GALNT13: variants seen among roughly 807,000 people sequenced by gnomAD.
GALNT13 encodes the protein polypeptide N-acetylgalactosaminyltransferase 13, also known as UDP-GalNAc:polypeptide N-acetylgalactosaminyltransferase 13.
Under a neutral mutation model 64.2 loss-of-function variants are expected in GALNT13, and 28 were observed. The observed-to-expected ratio is 0.44, with a 90% CI of 0.32 to 0.60. The LOEUF is 0.60. GALNT13 is among the 20% of genes least tolerant of loss of function. GALNT13 has a pLI of 0.05. For missense variants in GALNT13, 577 were observed against 669.8 expected, an observed-to-expected ratio of 0.86 and a Z score of 1.53; for synonymous variants, 214 against 224.6, an observed-to-expected ratio of 0.95 and a Z score of 0.42.
In GALNT13 at chr2:154,226,737, T is replaced by A. The variant is rs77017431; in HGVS notation, c.312-15293T>A. Among the ~76,000 whole-genome samples the A allele has an allele frequency of 6.7e-3, 1,017 of 152,256 alleles. 9 individuals are homozygous for A. The highest frequency in any genetic ancestry group is 0.024 in the African/African-American group (983 of 41,564). ...TATTAATTGTTCTTGTTGATGGATTTAAAATGTTTTTGTAAATATAACAAG... is the reference window on the plus strand; with the variant it reads ...TATTAATTGTTCTTGTTGATGGATTAAAAATGTTTTTGTAAATATAACAAG... On this transcript the variant is annotated intron_variant, in intron 4 of 12. Transcript: ENST00000392825.
At chr2:153,421,251 C>T in the GALNT13 span, 1 of 185,106 alleles carries the variant, frequency 5.4e-6, no homozygotes, top group African/African-American at 2.4e-5. Context: ...GGAATTCTGT[C>T]AGACTCCATG....
chr2:154,084,085 A>G (rs1701410913), intron 3 of GALNT13, among the ~76,000 whole-genome samples: 1 of 151,926 alleles, frequency 6.6e-6, no homozygotes, highest in African/African-American at 2.4e-5. Flanking sequence ...TTACTGGAGA[A>G]GAGATGCAGT....
chr2:154,073,026 A>C (rs35317369), intron 3 of GALNT13, among the ~76,000 whole-genome samples: 28,353 of 151,990 alleles, frequency 0.19, 3,372 homozygotes, highest in Non-Finnish European at 0.26. Context: ...TAAAAATAAT[A>C]ATAGTATGAT....
intron 12 of GALNT13, among the ~76,000 whole-genome samples, chr2:154,444,544 A>T (rs1458069754): frequency 6.6e-6 from 1 of 152,124 alleles, no homozygotes; most frequent in Non-Finnish European, 1.5e-5. Context: ...AAGAAGTGTT[A>T]GCTGCTGCTG....
At chr2:153,216,387 T>C in the GALNT13 span, among the ~76,000 whole-genome samples, 222 of 152,116 alleles carry the variant, frequency 1.5e-3, 6 homozygotes, top group East Asian at 0.039. Context: ...CACCAAACAG[T>C]CTCCCAAAGT....
intron 3 of GALNT13, among the ~76,000 whole-genome samples, chr2:154,061,452 A>C (rs2105368034): frequency 6.6e-6 from 1 of 152,300 alleles, no homozygotes; most frequent in South Asian, 2.1e-4. Flanking sequence ...GTCAGAAATT[A>C]TAATTTTATT....
At chr2:153,160,979 C>G in the GALNT13 span, among the ~76,000 whole-genome samples, 1 of 152,100 alleles carries the variant, frequency 6.6e-6, no homozygotes, top group Non-Finnish European at 1.5e-5. Flanking sequence ...GATGTCTATG[C>G]AAGGTAGGGT....
intron 9 of GALNT13, among the ~76,000 whole-genome samples, chr2:154,348,187 C>G (rs867799643): frequency 6.6e-6 from 1 of 152,164 alleles, no homozygotes; most frequent in Non-Finnish European, 1.5e-5. Flanking sequence ...TAATCTTGGT[C>G]TTGGTTCTAA....
chr2:153,811,207 C>G, the GALNT13 span, among the ~76,000 whole-genome samples: 1 of 152,228 alleles, frequency 6.6e-6, no homozygotes, highest in African/African-American at 2.4e-5. Context: ...AGATCAAAAT[C>G]CAGGTCTTTT....
At chr2:153,373,529 T>C in the GALNT13 span, among the ~76,000 whole-genome samples, 5 of 152,276 alleles carry the variant, frequency 3.3e-5, no homozygotes, top group African/African-American at 4.8e-5. Context: ...TTGTATTGAA[T>C]CTATAAACCA....
the GALNT13 span, among the ~76,000 whole-genome samples, chr2:153,825,227 A>C: frequency 6.6e-6 from 1 of 152,206 alleles, no homozygotes; most frequent in African/African-American, 2.4e-5. Flanking sequence ...ATGTTCTAAA[A>C]GGCACAGGAC....
chr2:154,298,591 TATATACAA>T (rs1380574675), intron 8 of GALNT13, among the ~76,000 whole-genome samples: 3 of 3,858 alleles, frequency 7.8e-4, no homozygotes, highest in African/African-American at 1.1e-3. Flanking sequence ...ATATAATTTA[TATATACAA>T]TGTATATATT....
chr2:154,315,449 GTTTATT>G (rs906453711), intron 9 of GALNT13, among the ~76,000 whole-genome samples: 2 of 152,124 alleles, frequency 1.3e-5, no homozygotes, highest in Non-Finnish European at 2.9e-5. Flanking sequence ...GAAATAAGAA[GTTTATT>G]TAACAAATAA....
At chr2:153,645,300 A>T in the GALNT13 span, among the ~76,000 whole-genome samples, 2 of 152,148 alleles carry the variant, frequency 1.3e-5, no homozygotes, top group Non-Finnish European at 2.9e-5. Flanking sequence ...TATGCCTTTA[A>T]CAAACAGCAT....
At chr2:154,007,452 G>A (rs985764064) in intron 3 of GALNT13, among the ~76,000 whole-genome samples, 2 of 151,922 alleles carry the variant, frequency 1.3e-5, no homozygotes, top group Non-Finnish European at 2.9e-5. Context: ...GAAAGGTTGC[G>A]ATTATTCTGT....
At chr2:153,641,564 A>G in the GALNT13 span, among the ~76,000 whole-genome samples, 3 of 152,118 alleles carry the variant, frequency 2.0e-5, no homozygotes, top group Non-Finnish European at 4.4e-5. Flanking sequence ...GTTGAATTCC[A>G]TGTTACTGCC....
intron 9 of GALNT13, among the ~76,000 whole-genome samples, chr2:154,376,903 T>A (rs1698025504): frequency 1.3e-5 from 2 of 152,132 alleles, no homozygotes; most frequent in Non-Finnish European, 2.9e-5. Context: ...CCTTTATAAA[T>A]TAATAAATAT....
At chr2:153,098,012 G>A in the GALNT13 span, among the ~76,000 whole-genome samples, 1 of 152,194 alleles carries the variant, frequency 6.6e-6, no homozygotes, top group Non-Finnish European at 1.5e-5. Flanking sequence ...ATTGCAGTGA[G>A]CCAAGATCAT....
chr2:153,548,196 T>C, the GALNT13 span, among the ~76,000 whole-genome samples: 21 of 152,292 alleles, frequency 1.4e-4, no homozygotes, highest in Admixed American at 2.6e-4. Flanking sequence ...CAAGTTCTTA[T>C]TCAGTAGATC....
Sources: allele counts gnomAD v4.1 joint callset (sites outside exome capture counted in the v4.1 genomes callset), GRCh38; gene constraint gnomAD v4.1.1; transcripts MANE v1.5; gene names NCBI Gene and HGNC (gene_info 2026-07-23, HGNC 2026-07-21).